GALNT13: variants seen among roughly 807,000 people sequenced by gnomAD.
GALNT13 encodes the protein UDP-GalNAc:polypeptide N-acetylgalactosaminyltransferase 13.
In GALNT13, 28 loss-of-function variants were observed where a neutral mutation model predicts 64.2. The ratio of observed to expected loss-of-function variants is 0.44; its 90% CI spans 0.32 to 0.60. GALNT13 has a LOEUF of 0.60. GALNT13 is among the 20% of genes least tolerant of loss of function. The pLI, the probability that GALNT13 is intolerant of heterozygous loss-of-function variation, is 0.05. For synonymous variants in GALNT13, 214 were observed against 224.6 expected (o/e 0.95, Z 0.42); for missense variants, 577 against 669.8 (o/e 0.86, Z 1.53).
At chr2:153,473,379 C>A in the GALNT13 span, among the ~76,000 whole-genome samples, 50 of 152,174 alleles carry the variant, frequency 3.3e-4, no homozygotes, top group Middle Eastern at 3.4e-3. Flanking sequence ...ATTAATTTTT[C>A]TGAAAGTTAA....
At chr2:154,275,900 T>G (rs1303751183) in intron 8 of GALNT13, among the ~76,000 whole-genome samples, 1 of 152,216 alleles carries the variant, frequency 6.6e-6, no homozygotes, top group Non-Finnish European at 1.5e-5. Flanking sequence ...GCCCATCTCT[T>G]GTATCAGTGT....
chr2:153,811,297 T>C, the GALNT13 span, among the ~76,000 whole-genome samples: 1 of 152,206 alleles, frequency 6.6e-6, no homozygotes, highest in Non-Finnish European at 1.5e-5. Flanking sequence ...ATAACATAAA[T>C]TCAATTCCAG....
chr2:153,816,386 T>C, the GALNT13 span, among the ~76,000 whole-genome samples: 3 of 152,164 alleles, frequency 2.0e-5, no homozygotes, highest in South Asian at 6.2e-4. Context: ...AGGAAAGTCA[T>C]GGTAAGCAAT....
chr2:153,439,946 C>T, the GALNT13 span, among the ~76,000 whole-genome samples: 59 of 152,232 alleles, frequency 3.9e-4, no homozygotes, highest in Middle Eastern at 3.4e-3. Context: ...TGTTCCTATT[C>T]GGCCGTCTTG....
At chr2:153,350,842 A>C in the GALNT13 span, among the ~76,000 whole-genome samples, 1 of 152,162 alleles carries the variant, frequency 6.6e-6, no homozygotes, top group Non-Finnish European at 1.5e-5. Context: ...CAAATGACCT[A>C]TTCATATAGC....
the GALNT13 span, among the ~76,000 whole-genome samples, chr2:153,816,590 C>T: frequency 6.6e-6 from 1 of 151,460 alleles, no homozygotes; most frequent in Non-Finnish European, 1.5e-5. Context: ...GAGACAGAAC[C>T]AATACAATGG....
At chr2:153,148,157 G>C in the GALNT13 span, among the ~76,000 whole-genome samples, 2 of 151,822 alleles carry the variant, frequency 1.3e-5, no homozygotes, top group Non-Finnish European at 2.9e-5. Flanking sequence ...AAATACAATA[G>C]ACATAATCCA....
At chr2:154,168,437 A>G (rs1445009495) in intron 4 of GALNT13, among the ~76,000 whole-genome samples, 2 of 152,176 alleles carry the variant, frequency 1.3e-5, no homozygotes, top group African/African-American at 4.8e-5. Context: ...ACCTAATTTC[A>G]TCTAAAAAAT....
intron 3 of GALNT13, among the ~76,000 whole-genome samples, chr2:153,975,439 A>G (rs1167140075): frequency 1.3e-5 from 2 of 151,924 alleles, no homozygotes; most frequent in African/African-American, 4.8e-5. Context: ...TCTCTTTATC[A>G]CTTGCCTTTC....
chr2:153,470,916 G>C, the GALNT13 span, among the ~76,000 whole-genome samples: 415 of 152,248 alleles, frequency 2.7e-3, 1 homozygote, highest in Non-Finnish European at 3.3e-3. Context: ...ACTTGTTCCT[G>C]AGCTGAATTT....
At chr2:154,050,427 G>C (rs1169158007) in intron 3 of GALNT13, among the ~76,000 whole-genome samples, 1 of 152,154 alleles carries the variant, frequency 6.6e-6, no homozygotes, top group East Asian at 1.9e-4. Flanking sequence ...CACTTTTGTT[G>C]TTGAGAAAAT....
At chr2:153,483,850 C>T in the GALNT13 span, among the ~76,000 whole-genome samples, 1 of 152,084 alleles carries the variant, frequency 6.6e-6, no homozygotes, top group African/African-American at 2.4e-5. Context: ...TAGCCAAATT[C>T]AGAAAGCAGC....
intron 2 of GALNT13, among the ~76,000 whole-genome samples, chr2:153,906,701 A>C (rs1423258349): frequency 1.3e-5 from 2 of 151,806 alleles, no homozygotes; most frequent in Admixed American, 1.3e-4. Context: ...TGCTGCAATA[A>C]ACATACGTGT....
At chr2:154,089,760 T>C (rs140243439) in intron 3 of GALNT13, among the ~76,000 whole-genome samples, 1 of 151,894 alleles carries the variant, frequency 6.6e-6, no homozygotes, top group Non-Finnish European at 1.5e-5. Flanking sequence ...ATTTCTAAAA[T>C]AAATGTTTCT....
At chr2:153,329,859 C>T in the GALNT13 span, among the ~76,000 whole-genome samples, 6 of 152,128 alleles carry the variant, frequency 3.9e-5, no homozygotes, top group Admixed American at 6.5e-5. Flanking sequence ...CCAAGGTCAA[C>T]GTCCAGAATG....
chr2:154,117,024 G>A (rs750351533), intron 3 of GALNT13, among the ~76,000 whole-genome samples: 6 of 152,220 alleles, frequency 3.9e-5, no homozygotes, highest in Admixed American at 6.5e-5. Flanking sequence ...CTCAGAGTCC[G>A]ATGTTCAAGG....
the GALNT13 span, among the ~76,000 whole-genome samples, chr2:153,507,767 G>T: frequency 6.6e-6 from 1 of 152,268 alleles, no homozygotes; most frequent in South Asian, 2.1e-4. Flanking sequence ...TACCAGAATT[G>T]TTATTCTAGT....
chr2:153,334,627 T>A, the GALNT13 span, among the ~76,000 whole-genome samples: 1 of 152,110 alleles, frequency 6.6e-6, no homozygotes, highest in Admixed American at 6.5e-5. Context: ...ATTTTAGGTG[T>A]TTTTTCAGAA....
intron 3 of GALNT13, among the ~76,000 whole-genome samples, chr2:154,001,971 C>G (rs1231609062): frequency 6.6e-6 from 1 of 151,954 alleles, no homozygotes; most frequent in Non-Finnish European, 1.5e-5. Context: ...GTGTTTTGTT[C>G]TAGCACTTCT....
Sources: gnomAD v4.1 joint callset for allele counts (sites outside exome capture counted in the v4.1 genomes callset) on GRCh38, gnomAD v4.1.1 for gene constraint, MANE v1.5 for transcripts, NCBI Gene and HGNC (gene_info 2026-07-23, HGNC 2026-07-21) for gene names.